IDI1: variants seen among roughly 807,000 people sequenced by gnomAD.
The protein encoded by IDI1 is isopentenyl-diphosphate delta isomerase 1, also known as isopentenyl-diphosphate Delta-isomerase 1.
Under a neutral mutation model 32.9 loss-of-function variants are expected in IDI1, and 23 were observed. The observed-to-expected ratio is 0.70, with a 90% confidence interval of 0.50 to 0.99. The LOEUF (loss-of-function observed/expected upper bound fraction) is 0.99, where lower values mean the gene tolerates loss of function less well. Ranked by LOEUF, IDI1 falls within the 50% of genes least tolerant of loss-of-function variation. IDI1 has a pLI of 0.00. For synonymous variants in IDI1, 133 were observed against 128.2 expected (o/e 1.04, Z -0.25); for missense variants, 326 against 351.9 (o/e 0.93, Z 0.59).
intron 1 of IDI1, chr10:1,048,562 G>C: frequency 7.5e-7 from 1 of 1,339,588 alleles, no homozygotes; most frequent in East Asian, 3.3e-5. Flanking sequence ...AGTTCCACGA[G>C]TTCCTAAACC....
rs1426009616 is a variant in IDI1 at position 1,043,825 on chromosome 10, G to GT, written c.313+173dup. ...AGGCATGAAGTGAAGAGAAATCGCT[G>GT]TAACAGGAAGACAGCAAAGCAGATG... On this transcript the variant is annotated intron_variant, in intron 2 of 4. Coordinates refer to ENST00000381344, the MANE Select transcript of IDI1 (RefSeq NM_004508.4). 16 of 668,218 alleles carry GT rather than the reference G, an allele frequency of 2.4e-5. No individual in the cohort carries two copies. The East Asian group carries it at 3.3e-4, about 14-fold the overall frequency. 41.4% of individuals were successfully genotyped at this position (668,218 alleles called of 1,614,324 possible).
chr10:1,048,772 C>A, intron 1 of IDI1, 92 bp downstream of exon 1: 1 of 1,528,282 alleles, frequency 6.5e-7, no homozygotes, highest in South Asian at 1.2e-5. Context: ...TCACGGGTGG[C>A]TCAGACCTCG....
chr10:1,043,555 G>C (rs753206671), intron 2 of IDI1, 162 bp from the exon 3 acceptor site: 2 of 701,320 alleles, frequency 2.9e-6, no homozygotes, highest in South Asian at 3.0e-5. Context: ...GTGAGGAAGA[G>C]CTCTGCACTG....
chr10:1,051,024 T>C (rs1369141897), upstream of IDI1, among the ~76,000 whole-genome samples: 3 of 152,268 alleles, frequency 2.0e-5, no homozygotes, highest in African/African-American at 4.8e-5. Context: ...TATTTGGAAT[T>C]TGAAACCACT....
rs1343320726 is a variant in IDI1, at chr10:1,040,627, A to G, written c.*560T>C. The G allele has an allele frequency of 6.6e-6, 1 of 152,448 alleles. No homozygotes were observed. Among genetic ancestry groups the G allele is most frequent in the Admixed American group, 6.5e-5 (1 of 15,306 alleles). The allele number at this position is 152,448 out of a possible 1,614,324, so 9.4% of individuals were successfully genotyped here. ...CCAGAATGAATAAACCACACAATCA[A>G]CTCAGAATGATACAAATTAGGGTCC... is the stretch of plus-strand genomic sequence containing the variant. On this transcript the variant is annotated 3_prime_UTR_variant, in exon 5 of 5. Transcript: ENST00000381344.
In IDI1 at chr10:1,047,848, A is replaced by G. The variant is rs115695617; in HGVS notation, c.140+1016T>C. ...ATAGTTGTGCTGTATTGTTTACAGA[A>G]TAAGTCTGTATATGTTCAGTACAGA... On this transcript the variant is annotated intron_variant, in intron 1 of 4. Coordinates refer to ENST00000381344, the MANE Select transcript of IDI1 (RefSeq NM_004508.4). 4.7e-3 allele frequency among the ~76,000 whole-genome samples: 714 copies of G among 152,380 alleles called. 5 individuals are homozygous for G. Among genetic ancestry groups the G allele is most frequent in the African/African-American group, 0.016 (679 of 41,584 alleles).
At chr10:1,044,561 T>C (rs530551300) in intron 1 of IDI1, among the ~76,000 whole-genome samples, 8 of 152,320 alleles carry the variant, frequency 5.3e-5, no homozygotes, top group African/African-American at 1.2e-4. Context: ...TGTGCTCCCA[T>C]TGCCATCCTG....
upstream of IDI1, chr10:1,049,388 AG>A (rs1452171269): frequency 4.8e-6 from 1 of 209,610 alleles, no homozygotes; most frequent in Non-Finnish European, 9.6e-6. Flanking sequence ...GTCCCATGGG[AG>A]CGACCTCCGC....
intron 1 of IDI1, chr10:1,048,407 G>A: frequency 7.7e-7 from 1 of 1,302,648 alleles, no homozygotes; most frequent in Non-Finnish European, 1.0e-6. Context: ...ACGGACGCAG[G>A]TGTATGCACC....
At chr10:1,048,343 T>C in intron 1 of IDI1, 1 of 1,304,840 alleles carries the variant, frequency 7.7e-7, no homozygotes, top group South Asian at 1.2e-5. Context: ...CCATCTCTTC[T>C]CCTGCTCCAT....
chr10:1,042,235 G>A (rs902832502), intron 4 of IDI1, among the ~76,000 whole-genome samples: 3 of 152,272 alleles, frequency 2.0e-5, no homozygotes, highest in African/African-American at 7.2e-5. Flanking sequence ...AAACCAATGA[G>A]ATTTATGGTT....
intron 1 of IDI1, chr10:1,048,556 C>G (rs778101539): frequency 2.5e-5 from 33 of 1,328,954 alleles, no homozygotes; most frequent in Non-Finnish European, 2.9e-5. Flanking sequence ...GTTTCCAGTT[C>G]CACGAGTTCC....
chr10:1,048,514 G>T, intron 1 of IDI1: 1 of 1,262,186 alleles, frequency 7.9e-7, no homozygotes, highest in Non-Finnish European at 1.0e-6. Context: ...TCTCTAAGGG[G>T]AGACTCGCAA....
rs1832680480 is a variant in IDI1 at position 1,043,393 on chromosome 10, C to G, written c.314G>C (p.Gly105Ala). Residue 105 changes from glycine to alanine, a missense_variant and splice_region_variant, in exon 3 of 5, where the codon GGA becomes GCA. This residue lies in a region of IDI1 where 205 missense variants were observed against 273.5 expected (regional missense o/e 0.75). Coordinates refer to ENST00000381344, the MANE Select transcript of IDI1 (RefSeq NM_004508.4). ...NCHLNENIEKGLLHRAFSVFL... is the reference protein window; with the variant it reads ...NCHLNENIEKALLHRAFSVFL... ...GACACTAAAAGCTCGATGCAATAAT[C>G]CTGAAAGCAAAAGAAATAACAATTA... The G allele has an allele frequency of 6.3e-7, 1 of 1,584,862 alleles. No individual in the cohort carries two copies. Among genetic ancestry groups the G allele is most frequent in the Non-Finnish European group, 8.7e-7 (1 of 1,153,486 alleles).
intron 3 of IDI1, 46 bp downstream of exon 3, chr10:1,043,255 C>T: frequency 8.6e-7 from 1 of 1,159,296 alleles, no homozygotes; most frequent in Non-Finnish European, 1.3e-6. Context: ...GATAAAAAGT[C>T]AAATTAATGT....
chr10:1,055,209 C>G, the IDI1 span, among the ~76,000 whole-genome samples: 1 of 152,216 alleles, frequency 6.6e-6, no homozygotes, highest in South Asian at 2.1e-4. Flanking sequence ...CGAGTAATTT[C>G]CACATTCTCA....
At chr10:1,053,725 T>C (rs945196942), upstream of IDI1, among the ~76,000 whole-genome samples, 4 of 152,134 alleles carry the variant, frequency 2.6e-5, no homozygotes, top group Non-Finnish European at 5.9e-5. Context: ...GGGCTATTAA[T>C]TGCCTGATTT....
intron 2 of IDI1, 26 bp from the exon 3 acceptor site, chr10:1,043,419 T>C: frequency 6.9e-7 from 1 of 1,457,054 alleles, no homozygotes; most frequent in South Asian, 1.1e-5. Context: ...ATAACAATTA[T>C]TTTAGCCTTA....
In IDI1 at chr10:1,044,167, G is replaced by T; in HGVS notation, c.145C>A (p.Leu49Ile). 1 of 1,602,124 alleles carries T rather than the reference G, an allele frequency of 6.2e-7. No homozygotes were observed. Among genetic ancestry groups the T allele is most frequent in the South Asian group, 1.1e-5 (1 of 88,848 alleles). ...VVCGRRLISVLEQIRHFVMMP... is the reference protein window; with the variant it reads ...VVCGRRLISVIEQIRHFVMMP... ...ATTACAAAATGTCTGATCTGTTCTA[G>T]AACACTAATATTAAAGGAAAAGAGA... Residue 49 changes from leucine to isoleucine, a missense_variant, in exon 2 of 5, where the codon CTA becomes ATA. By Grantham distance (5) the Leu-to-Ile change is conservative. Coordinates refer to ENST00000381344, the MANE Select transcript of IDI1 (RefSeq NM_004508.4).
Sources: allele counts gnomAD v4.1 joint callset (sites outside exome capture counted in the v4.1 genomes callset), GRCh38; gene constraint gnomAD v4.1.1; regional missense constraint gnomAD v4.1.1; transcripts MANE v1.5; gene names NCBI Gene and HGNC (gene_info 2026-07-23, HGNC 2026-07-21).